AFAP1: variants seen among roughly 807,000 people sequenced by gnomAD.
AFAP1 encodes actin filament associated protein 1.
A neutral mutation model predicts 93.9 loss-of-function variants in AFAP1; 75 were observed. The observed-to-expected ratio is 0.80, with a 90% confidence interval of 0.66 to 0.97. The LOEUF (loss-of-function observed/expected upper bound fraction) is 0.97, where lower values mean the gene tolerates loss of function less well. AFAP1 is among the 50% of genes least tolerant of loss of function. The pLI is 0.00. For missense variants in AFAP1, 1,201 were observed against 1,050.8 expected, an observed-to-expected ratio of 1.14 and a Z score of -1.98; for synonymous variants, 517 against 430.7, an observed-to-expected ratio of 1.20 and a Z score of -2.48.
At chr4:7,805,503 A>G (rs1377027665) in intron 9 of AFAP1, among the ~76,000 whole-genome samples, 1 of 152,174 alleles carries the variant, frequency 6.6e-6, no homozygotes, top group African/African-American at 2.4e-5. Context: ...GGATGAATAC[A>G]TGGATAATCA....
chr4:7,826,437 G>T (rs565517487), intron 6 of AFAP1, among the ~76,000 whole-genome samples: 3 of 152,242 alleles, frequency 2.0e-5, no homozygotes, highest in African/African-American at 7.2e-5. Context: ...TCCACAGCTG[G>T]AGACAGAGCA....
chr4:7,831,083 A>C (rs990717166), intron 6 of AFAP1, among the ~76,000 whole-genome samples: 70 of 152,188 alleles, frequency 4.6e-4, no homozygotes, highest in African/African-American at 1.6e-3. Context: ...TCCCTAATAA[A>C]TCTGAATCAC....
intron 8 of AFAP1, among the ~76,000 whole-genome samples, chr4:7,810,015 C>A (rs771386905): frequency 6.6e-6 from 1 of 152,090 alleles, no homozygotes; most frequent in African/African-American, 2.4e-5. Flanking sequence ...CGTGTCACTA[C>A]GTAGGCCTGG....
intron 1 of AFAP1, among the ~76,000 whole-genome samples, chr4:7,891,370 G>C (rs995065420): frequency 6.6e-6 from 1 of 151,872 alleles, no homozygotes; most frequent in Non-Finnish European, 1.5e-5. Context: ...AAGCACATCC[G>C]AGGTAGAGAA....
intron 16 of AFAP1, 87 bp downstream of exon 16, chr4:7,772,733 G>A (rs1577183802): frequency 7.5e-7 from 1 of 1,333,980 alleles, no homozygotes; most frequent in East Asian, 2.4e-5. Flanking sequence ...CTACGCCCCA[G>A]AGCCACTCCA....
intron 6 of AFAP1, among the ~76,000 whole-genome samples, chr4:7,828,838 A>T (rs113239495): frequency 1.3e-5 from 2 of 152,126 alleles, no homozygotes; most frequent in African/African-American, 4.8e-5. Flanking sequence ...CAGGAGTCTG[A>T]CTCCAGTCTG....
chr4:7,819,397 G>A (rs13121514), intron 6 of AFAP1, among the ~76,000 whole-genome samples: 1 of 152,126 alleles, frequency 6.6e-6, no homozygotes, highest in Admixed American at 6.5e-5. Flanking sequence ...CATGGAACAT[G>A]CAACTACGTT....
At chr4:7,813,117 C>G (rs1234464660) in intron 8 of AFAP1, among the ~76,000 whole-genome samples, 1 of 152,096 alleles carries the variant, frequency 6.6e-6, no homozygotes, top group Non-Finnish European at 1.5e-5. Flanking sequence ...CTTTCTTCAT[C>G]TGAGATTCTA....
rs149841738 is a variant in AFAP1, at chr4:7,855,494, G to A, written c.306C>T (p.Pro102=). 51 of 1,612,698 alleles carry A rather than the reference G, an allele frequency of 3.2e-5. No homozygotes were observed. The highest frequency in any genetic ancestry group is 1.8e-4 in the East Asian group (8 of 44,884). The change falls in exon 4 of 18, where the codon CCC becomes CCT. Residue 102 remains proline, a synonymous_variant. Coordinates refer to ENST00000420658, the MANE Select transcript of AFAP1 (RefSeq NM_001134647.2). Reference sequence around the variant, plus strand: ...ATGTGATGTATTCCGGAGCTTTTCCGGGGCTCAGCGGCACAGCTTCCTCAT... The same window carrying A: ...ATGTGATGTATTCCGGAGCTTTTCCAGGGCTCAGCGGCACAGCTTCCTCAT... ...GYYEEAVPLS[P]GKAPEYITSN... is the part of the protein sequence containing the mutation.
intron 11 of AFAP1, among the ~76,000 whole-genome samples, chr4:7,787,719 G>A (rs990902683): frequency 1.3e-5 from 2 of 152,172 alleles, no homozygotes; most frequent in Admixed American, 6.5e-5. Flanking sequence ...AGGGCAGGCC[G>A]GGCCACGCCA....
chr4:7,798,228 CT>C, intron 10 of AFAP1, among the ~76,000 whole-genome samples: 1 of 143,892 alleles, frequency 6.9e-6, no homozygotes, highest in Non-Finnish European at 1.5e-5. Context: ...ACTCTATTGG[CT>C]GGCTCACGGC....
chr4:7,887,728 C>T (rs984685816), intron 1 of AFAP1, among the ~76,000 whole-genome samples: 6 of 129,640 alleles, frequency 4.6e-5, no homozygotes, highest in African/African-American at 1.5e-4. Context: ...TCAGTATTTT[C>T]TTAGACACAA....
chr4:7,781,752 C>T, intron 12 of AFAP1, 125 bp from the exon 13 acceptor site: 2 of 1,248,454 alleles, frequency 1.6e-6, no homozygotes, highest in South Asian at 1.5e-5. Context: ...CACTCTCCTG[C>T]ACACAGACTG....
intron 6 of AFAP1, among the ~76,000 whole-genome samples, chr4:7,823,031 G>C (rs1177854126): frequency 1.3e-5 from 2 of 151,610 alleles, no homozygotes; most frequent in African/African-American, 4.9e-5. Flanking sequence ...TTTTTATATA[G>C]CTAAATAGAA....
At chr4:7,817,430 C>T (rs1022372977) in intron 7 of AFAP1, among the ~76,000 whole-genome samples, 2 of 152,030 alleles carry the variant, frequency 1.3e-5, no homozygotes, top group Admixed American at 6.6e-5. Context: ...GTGAAACCCC[C>T]GTCTCCACTA....
chr4:7,841,646 A>T (rs951848031), intron 5 of AFAP1, among the ~76,000 whole-genome samples: 1 of 152,292 alleles, frequency 6.6e-6, no homozygotes, highest in East Asian at 1.9e-4. Context: ...TTTTATGCCA[A>T]TGGGGGTCAT....
intron 1 of AFAP1, among the ~76,000 whole-genome samples, chr4:7,875,524 C>G (rs112025588): frequency 6.6e-6 from 1 of 151,482 alleles, no homozygotes; most frequent in African/African-American, 2.4e-5. Flanking sequence ...GAGGCTGAGG[C>G]AGAAGGATCA....
intron 1 of AFAP1, among the ~76,000 whole-genome samples, chr4:7,909,227 G>C (rs1487420471): frequency 6.6e-6 from 1 of 152,166 alleles, no homozygotes; most frequent in Admixed American, 6.5e-5. Flanking sequence ...AATCCTGTTA[G>C]ATGATGACCC....
At chr4:7,834,660 C>T (rs1353799070) in intron 6 of AFAP1, among the ~76,000 whole-genome samples, 3 of 152,270 alleles carry the variant, frequency 2.0e-5, no homozygotes, top group African/African-American at 7.2e-5. Flanking sequence ...GTGGCTGGGA[C>T]TGCCTTGCTA....
Sources: gnomAD v4.1 joint callset for allele counts (sites outside exome capture counted in the v4.1 genomes callset) on GRCh38, gnomAD v4.1.1 for gene constraint, MANE v1.5 for transcripts, NCBI Gene and HGNC (gene_info 2026-07-23, HGNC 2026-07-21) for gene names.